The following PABPC4L variants were observed in gnomAD, a reference collection of about 807,000 sequenced individuals.
PABPC4L encodes poly(A) binding protein cytoplasmic 4 like.
For missense variants in PABPC4L, 452 were observed against 451.4 expected, an observed-to-expected ratio of 1.00 and a Z score of -0.01; for synonymous variants, 169 against 164.1, an observed-to-expected ratio of 1.03 and a Z score of -0.23.
chr4:133,983,693 A>G, the PABPC4L span, among the ~76,000 whole-genome samples: 1 of 151,888 alleles, frequency 6.6e-6, no homozygotes, highest in African/African-American at 2.4e-5. Flanking sequence ...ATAATTCTAT[A>G]AACTTGGAAT....
chr4:133,965,726 C>CT, the PABPC4L span, among the ~76,000 whole-genome samples: 4 of 152,070 alleles, frequency 2.6e-5, no homozygotes, highest in Non-Finnish European at 5.9e-5. Flanking sequence ...AAAGGACACC[C>CT]TTTTCAACAA....
the PABPC4L span, among the ~76,000 whole-genome samples, chr4:133,956,914 A>G: frequency 4.6e-5 from 7 of 152,174 alleles, no homozygotes; most frequent in African/African-American, 1.4e-4. Context: ...AACCACCCCT[A>G]TGATTCAATT....
chr4:134,109,384 G>T, the PABPC4L span, among the ~76,000 whole-genome samples: 1 of 151,480 alleles, frequency 6.6e-6, no homozygotes, highest in Admixed American at 6.6e-5. Flanking sequence ...AAGTATAAAT[G>T]AAAGAAAAAT....
chr4:134,020,487 C>T, the PABPC4L span, among the ~76,000 whole-genome samples: 1 of 152,050 alleles, frequency 6.6e-6, no homozygotes, highest in Non-Finnish European at 1.5e-5. Flanking sequence ...AAACATTACT[C>T]ATTTGTTCCC....
the PABPC4L span, among the ~76,000 whole-genome samples, chr4:134,121,615 G>A: frequency 2.0e-5 from 3 of 151,662 alleles, no homozygotes; most frequent in Non-Finnish European, 4.4e-5. Context: ...ACTCTCCAAG[G>A]TAAGCCTTAT....
At chr4:134,135,207 G>A in the PABPC4L span, among the ~76,000 whole-genome samples, 38 of 152,078 alleles carry the variant, frequency 2.5e-4, no homozygotes, top group Middle Eastern at 3.4e-3. Flanking sequence ...CTCTGCTACC[G>A]TTTATGATTT....
At chr4:134,190,236 A>G in the PABPC4L span, among the ~76,000 whole-genome samples, 66 of 152,220 alleles carry the variant, frequency 4.3e-4, no homozygotes, top group Non-Finnish European at 7.1e-4. Flanking sequence ...AATTTTGGAT[A>G]TAGTGGTTTG....
chr4:134,168,166 T>C, the PABPC4L span, among the ~76,000 whole-genome samples: 1 of 152,112 alleles, frequency 6.6e-6, no homozygotes, highest in East Asian at 1.9e-4. Flanking sequence ...CAACATTCTC[T>C]TGACTGAGCA....
At chr4:134,126,575 G>A in the PABPC4L span, among the ~76,000 whole-genome samples, 1 of 145,324 alleles carries the variant, frequency 6.9e-6, no homozygotes. Context: ...GGTCACATCA[G>A]TCACATTTCC....
the PABPC4L span, among the ~76,000 whole-genome samples, chr4:134,083,252 A>G: frequency 6.6e-6 from 1 of 152,086 alleles, no homozygotes; most frequent in Non-Finnish European, 1.5e-5. Context: ...TTTATCCTCC[A>G]CTTTCCTTTG....
At chr4:133,982,907 A>G in the PABPC4L span, among the ~76,000 whole-genome samples, 77 of 152,150 alleles carry the variant, frequency 5.1e-4, no homozygotes, top group Admixed American at 2.0e-3. Flanking sequence ...AAATATGTAT[A>G]TACATTTAAA....
the PABPC4L span, among the ~76,000 whole-genome samples, chr4:134,112,629 T>C: frequency 2.1e-4 from 32 of 151,564 alleles, no homozygotes; most frequent in Admixed American, 2.0e-3. Context: ...TATCTATCTA[T>C]ATATCATCTA....
the PABPC4L span, among the ~76,000 whole-genome samples, chr4:134,176,876 A>G: frequency 6.6e-6 from 1 of 152,082 alleles, no homozygotes; most frequent in Non-Finnish European, 1.5e-5. Flanking sequence ...TTCTAAACTG[A>G]GGCAAAGAGC....
At chr4:134,145,185 C>G in the PABPC4L span, among the ~76,000 whole-genome samples, 11 of 151,700 alleles carry the variant, frequency 7.3e-5, no homozygotes, top group Non-Finnish European at 1.5e-4. Flanking sequence ...ATCTGACAGT[C>G]AGTTTAAGAT....
At chr4:133,983,845 C>T in the PABPC4L span, among the ~76,000 whole-genome samples, 1 of 151,574 alleles carries the variant, frequency 6.6e-6, no homozygotes, top group Non-Finnish European at 1.5e-5. Flanking sequence ...TTCTGAATTC[C>T]CCTAAAAACA....
the PABPC4L span, among the ~76,000 whole-genome samples, chr4:134,113,870 T>C: frequency 1.3e-5 from 2 of 151,650 alleles, no homozygotes; most frequent in South Asian, 4.2e-4. Flanking sequence ...CTATAAATAA[T>C]CAAAAGTGTA....
the PABPC4L span, among the ~76,000 whole-genome samples, chr4:134,059,026 C>T: frequency 6.6e-6 from 1 of 151,890 alleles, no homozygotes; most frequent in African/African-American, 2.4e-5. Context: ...ATTGAGTGAA[C>T]AAATATCTCA....
At chr4:134,188,791 C>T in the PABPC4L span, among the ~76,000 whole-genome samples, 2 of 152,042 alleles carry the variant, frequency 1.3e-5, no homozygotes, top group South Asian at 2.1e-4. Flanking sequence ...TTTTGTATTG[C>T]TTTTAATTAT....
the PABPC4L span, among the ~76,000 whole-genome samples, chr4:134,141,450 A>G: frequency 6.6e-6 from 1 of 150,458 alleles, no homozygotes; most frequent in Non-Finnish European, 1.5e-5. Flanking sequence ...AAGTAAATAG[A>G]TCTCTTTCTA....
Sources: allele counts gnomAD v4.1 joint callset (sites outside exome capture counted in the v4.1 genomes callset), GRCh38; gene constraint gnomAD v4.1.1; transcripts MANE v1.5; gene names NCBI Gene and HGNC (gene_info 2026-07-23, HGNC 2026-07-21).